The following POU2F2 variants were observed in gnomAD, a reference collection of about 807,000 sequenced individuals.
The protein encoded by POU2F2 is POU class 2 homeobox 2.
Under a neutral mutation model 63.5 loss-of-function variants are expected in POU2F2, and 14 were observed. That is an observed-to-expected ratio of 0.22 (90% CI 0.15 to 0.34). POU2F2 has a LOEUF of 0.34. POU2F2 is among the 10% of genes least tolerant of loss of function. The pLI is 1.00. For synonymous variants in POU2F2, 306 were observed against 348.6 expected, an observed-to-expected ratio of 0.88 and a Z score of 1.36; for missense variants, 607 against 815.2, an observed-to-expected ratio of 0.74 and a Z score of 3.11.
intron 1 of POU2F2, among the ~76,000 whole-genome samples, chr19:42,195,585 G>T (rs2146832910): frequency 6.6e-6 from 1 of 151,826 alleles, no homozygotes; most frequent in East Asian, 1.9e-4. Flanking sequence ...ACCTGCCTCA[G>T]CCTCTCAAAG....
intron 7 of POU2F2, among the ~76,000 whole-genome samples, chr19:42,097,495 C>CTTT (rs565786464): frequency 1.5e-5 from 2 of 136,352 alleles, no homozygotes; most frequent in Non-Finnish European, 3.2e-5. Context: ...TGCGCCCTGC[C>CTTT]TTTTTTTTTT....
intron 2 of POU2F2, among the ~76,000 whole-genome samples, chr19:42,154,236 A>AG: frequency 6.6e-6 from 1 of 151,986 alleles, no homozygotes. Flanking sequence ...ACACAAACAG[A>AG]GGCAGGGATG....
At chr19:42,099,054 C>A (rs181467472) in intron 7 of POU2F2, among the ~76,000 whole-genome samples, 2 of 152,302 alleles carry the variant, frequency 1.3e-5, no homozygotes. Flanking sequence ...TTGACAATGA[C>A]CAAATAAAAG....
chr19:42,147,584 G>C (rs2034257872), intron 2 of POU2F2, among the ~76,000 whole-genome samples: 1 of 152,220 alleles, frequency 6.6e-6, no homozygotes, highest in African/African-American at 2.4e-5. Flanking sequence ...CACATAGTGG[G>C]TGCTCAACAG....
chr19:42,096,916 C>G lies in POU2F2; in HGVS notation c.568-673G>C, dbSNP rs1404553564. 6.6e-6 allele frequency among the ~76,000 whole-genome samples: 1 copy of G among 151,960 alleles called. No individual in the cohort carries two copies. Among genetic ancestry groups the G allele is most frequent in the Non-Finnish European group, 1.5e-5 (1 of 68,018 alleles). ...AGAGATAGATGGGATATCTCTATAT[C>G]TTCCACTCAGTTTTGCTGTGAATCT... On this transcript the variant is annotated intron_variant, in intron 7 of 14. Transcript: ENST00000692977. The surrounding 1 kb of genome is among the most constrained non-coding windows in gnomAD (Gnocchi z 4.1).
intron 1 of POU2F2, among the ~76,000 whole-genome samples, chr19:42,174,391 C>T (rs886825912): frequency 2.0e-5 from 3 of 152,238 alleles, no homozygotes; most frequent in African/African-American, 4.8e-5. Context: ...TGAAGCCAGA[C>T]TCGGCACATG....
In POU2F2 at chr19:42,117,833, T is replaced by C. The variant is rs560765005; in HGVS notation, c.187-401A>G. On this transcript the variant is annotated intron_variant, in intron 4 of 14. Transcript: ENST00000692977. The surrounding 1 kb of genome is among the most constrained non-coding windows in gnomAD (Gnocchi z 4.4). ...CATTTCTGAAAAAAAAAAAGGAAAA[T>C]ACTCCCACTGGGCACCTGGGAGGTC... Among the ~76,000 whole-genome samples the C allele has an allele frequency of 2.0e-5, 3 of 150,552 alleles. No homozygotes were observed. In the South Asian group the frequency reaches 6.3e-4, roughly 32 times the overall value.
Position 42,090,333 on chromosome 19 carries a change from G to A in POU2F2, c.*924C>T, listed in dbSNP as rs1027518580. 3.3e-5 allele frequency: 5 copies of A among 152,614 alleles called. No homozygotes were observed. Among genetic ancestry groups the A allele is most frequent in the Admixed American group, 3.3e-4 (5 of 15,262 alleles). 9.5% of individuals were successfully genotyped at this position (152,614 alleles called of 1,614,324 possible). A position where few individuals can be genotyped will look rare whatever the true frequency, so the allele number is the denominator to read the frequency against. On this transcript the variant is annotated 3_prime_UTR_variant, in exon 15 of 15. Coordinates refer to ENST00000692977, the MANE Select transcript of POU2F2 (RefSeq NM_001394376.1). This position sits in a 1 kb window ranked among gnomAD's most constrained non-coding sequence, Gnocchi z 4.4. The stretch of plus-strand genomic sequence containing the variant: ...GGCTGGGGAGGGAGTCAGTTCCAGA[G>A]CAGAGGAGGGTGACAGGGTTGAGGA...
At chr19:42,150,473 A>G in intron 2 of POU2F2, among the ~76,000 whole-genome samples, 1 of 151,556 alleles carries the variant, frequency 6.6e-6, no homozygotes, top group Non-Finnish European at 1.5e-5. Context: ...GGGGAGCAGG[A>G]CCAGGCTCAC....
At position 42,153,026 on chromosome 19, in the gene POU2F2, C is replaced by T. The variant is rs570737141; in HGVS notation, c.-9+7306G>A. ...CCCTCAGGCCGGCCTGCGCCCACCC[C>T]CAGAGCTGCTGGCTGCCCCGCCTTT... On this transcript the variant is annotated intron_variant, in intron 2 of 6. Transcript: ENST00000524801. The surrounding 1 kb of genome is among the most constrained non-coding windows in gnomAD (Gnocchi z 5.6). Among the ~76,000 whole-genome samples, 29 of 152,282 alleles carry T rather than the reference C, an allele frequency of 1.9e-4. No individual in the cohort carries two copies. The highest frequency in any genetic ancestry group is 1.3e-3 in the Admixed American group (20 of 15,296).
intron 1 of POU2F2, among the ~76,000 whole-genome samples, chr19:42,126,325 C>A (rs2033194151): frequency 6.6e-6 from 1 of 151,944 alleles, no homozygotes; most frequent in African/African-American, 2.4e-5. Flanking sequence ...TGCCTGTAAT[C>A]CCAGCTACTC....
chr19:42,193,804 C>G (rs1398706115), intron 1 of POU2F2, among the ~76,000 whole-genome samples: 1 of 152,162 alleles, frequency 6.6e-6, no homozygotes, highest in Non-Finnish European at 1.5e-5. Flanking sequence ...AAAAACCATG[C>G]ACAAGAATGT....
chr19:42,130,027 A>G (rs891444878), intron 1 of POU2F2, among the ~76,000 whole-genome samples: 2 of 152,194 alleles, frequency 1.3e-5, no homozygotes, highest in African/African-American at 4.8e-5. Context: ...ACGGGCATAT[A>G]TGCAAAACAC....
chr19:42,131,515 C>T (rs1051179822), intron 1 of POU2F2, among the ~76,000 whole-genome samples: 4 of 152,160 alleles, frequency 2.6e-5, no homozygotes, highest in African/African-American at 7.2e-5. Flanking sequence ...ACATGTATTA[C>T]CTCATTTAAG....
intron 4 of POU2F2, among the ~76,000 whole-genome samples, chr19:42,120,823 CATA>C (rs2032523652): frequency 1.3e-5 from 2 of 152,088 alleles, no homozygotes; most frequent in Non-Finnish European, 2.9e-5. Flanking sequence ...TCACATTTTC[CATA>C]ATAAGGTGCT....
intron 2 of POU2F2, among the ~76,000 whole-genome samples, chr19:42,145,492 C>A (rs780886044): frequency 6.6e-6 from 1 of 152,242 alleles, no homozygotes; most frequent in Non-Finnish European, 1.5e-5. Context: ...TCGCATGAGA[C>A]ACAGTGCCTG....
chr19:42,104,509 C>T (rs2077261607), intron 5 of POU2F2, among the ~76,000 whole-genome samples: 1 of 152,000 alleles, frequency 6.6e-6, no homozygotes, highest in Non-Finnish European at 1.5e-5. Flanking sequence ...CAGAGCTCTA[C>T]AGTGGAATAC....
At chr19:42,158,530 A>G (rs200562016) in intron 2 of POU2F2, among the ~76,000 whole-genome samples, 1 of 152,212 alleles carries the variant, frequency 6.6e-6, no homozygotes, top group Middle Eastern at 3.2e-3. Flanking sequence ...TTGTCTTGTA[A>G]CAGGTGCCAA....
chr19:42,100,410 T>C (rs1327202125), intron 5 of POU2F2, among the ~76,000 whole-genome samples: 1 of 151,926 alleles, frequency 6.6e-6, no homozygotes, highest in African/African-American at 2.4e-5. Flanking sequence ...CTTGATGAAA[T>C]ATTTTCCTTG....
Sources: allele counts gnomAD v4.1 joint callset (sites outside exome capture counted in the v4.1 genomes callset), GRCh38; gene constraint gnomAD v4.1.1; non-coding constraint Gnocchi (gnomAD v3.1); transcripts MANE v1.5; gene names NCBI Gene and HGNC (gene_info 2026-07-23, HGNC 2026-07-21).